Variants in HRC observed in about 807,000 individuals in gnomAD.
HRC encodes histidine rich calcium binding protein.
Under a neutral mutation model 61.4 loss-of-function variants are expected in HRC, and 41 were observed. The observed-to-expected ratio is 0.67, with a 90% CI of 0.52 to 0.87. The LOEUF (loss-of-function observed/expected upper bound fraction) is 0.87. Ranked by LOEUF, HRC falls within the 40% of genes least tolerant of loss-of-function variation. HRC has a pLI of 0.00. For missense variants in HRC, 839 were observed against 885.8 expected (o/e 0.95, Z 0.67); for synonymous variants, 308 against 326.6 (o/e 0.94, Z 0.62).
rs1491115683 is a variant in HRC, at chr19:49,154,490, CAT to C, written c.746_747del (p.Asp249GlyfsTer2). 6 of 1,588,804 alleles carry C rather than the reference CAT, an allele frequency of 3.8e-6. No homozygotes were observed. Among genetic ancestry groups the C allele is most frequent in the Non-Finnish European group, 5.2e-6 (6 of 1,161,464 alleles). Reference sequence around the variant, plus strand: ...TCATCATCATCATCATCATCATCATCATCATCGTCATCTTCTTCATGGCCTTG... The same window carrying C: ...TCATCATCATCATCATCATCATCATCCATCGTCATCTTCTTCATGGCCTTG... Reference protein sequence around the residue: ...RHQGHEEDDDDDDDDDDDDDD... With the variant: ...RHQGHEEDDDXDDDDDDDDDD... On this transcript the variant is annotated frameshift_variant, in exon 1 of 6. Coordinates refer to ENST00000252825, the MANE Select transcript of HRC (RefSeq NM_002152.3). LOFTEE classifies it high-confidence loss of function.
At position 49,154,155 on chromosome 19, in the gene HRC, A is replaced by G. The variant is rs774735333; in HGVS notation, c.1083T>C (p.Arg361=). ...EEEDEDVSTE[R]WHQGPQHVHH... is the part of the protein sequence containing the mutation. ...GGACATGTTGGGGACCCTGGTGCCA[A>G]CGTTCAGTGGACACATCCTCATCTT... is the stretch of plus-strand genomic sequence containing the variant. Residue 361 remains arginine (R), a synonymous_variant, in exon 1 of 6, where the codon CGT becomes CGC. Transcript: ENST00000252825. 1 of 1,613,952 alleles carries G rather than the reference A, an allele frequency of 6.2e-7. No homozygotes were observed. The highest frequency in any genetic ancestry group is 8.5e-7 in the Non-Finnish European group (1 of 1,180,012).
Position 49,154,065 on chromosome 19 carries a change from AACAT to A in HRC, c.1169_1172del (p.Tyr390LeufsTer71). 6.2e-7 allele frequency: 1 copy of A among 1,614,076 alleles called. No individual in the cohort carries two copies. Among genetic ancestry groups the A allele is most frequent in the Non-Finnish European group, 8.5e-7 (1 of 1,180,014 alleles). ...TGTGGCCTCGAGGTTGGTGGCTTGC[AACAT>A]AGTGGCCGAACTGGACTGTGATCTC... is the stretch of plus-strand genomic sequence containing the variant. On this transcript the variant is annotated frameshift_variant, in exon 1 of 6. Transcript: ENST00000252825. LOFTEE classifies it high-confidence loss of function.
rs1201551336 is a variant in HRC, at chr19:49,152,011, G to C, written c.2019C>G (p.Cys673Trp). ...YLCPLVCETVCAPGSYVDYFS... is the reference protein window; with the variant it reads ...YLCPLVCETVWAPGSYVDYFS... ...GGCCCCGCCCATGCTCACCTGGAGC[G>C]CAGACCGTTTCGCAGACCAGCGGGC... Residue 673 changes from cysteine (C) to tryptophan (W), a missense_variant, in exon 4 of 6, where the codon TGC becomes TGG. Physicochemically the swap from Cys to Trp is radical, Grantham distance 215. Coordinates refer to ENST00000252825, the MANE Select transcript of HRC (RefSeq NM_002152.3). 1 of 1,614,118 alleles carries C rather than the reference G, an allele frequency of 6.2e-7. No homozygotes were observed. Among genetic ancestry groups the C allele is most frequent in the Admixed American group, 1.7e-5 (1 of 60,026 alleles).
Position 49,154,206 on chromosome 19 carries a change from C to T in HRC, c.1032G>A (p.Arg344=), listed in dbSNP as rs1247780136. 1 of 1,613,754 alleles carries T rather than the reference C, an allele frequency of 6.2e-7. No individual in the cohort carries two copies. Among genetic ancestry groups the T allele is most frequent in the Non-Finnish European group, 8.5e-7 (1 of 1,179,940 alleles). Residue 344 remains arginine (R), a synonymous_variant, in exon 1 of 6, where the codon AGG becomes AGA. Coordinates refer to ENST00000252825, the MANE Select transcript of HRC (RefSeq NM_002152.3). ...GEHHHHVPDH[R]HQGHRDEEED... ...CTTCCTCGTCTCTGTGGCCTTGGTG[C>T]CTGTGGTCAGGGACATGATGGTGGT...
rs539235357 is a variant in HRC at position 49,153,129 on chromosome 19, C to T, written c.1902+132G>A. Reference sequence around the variant, plus strand: ...AGTCTGTCCTCACCTCACATGCCTGCAGAAGGATCTCTTTTCTTTCAGAAC... The same window carrying T: ...AGTCTGTCCTCACCTCACATGCCTGTAGAAGGATCTCTTTTCTTTCAGAAC... On this transcript the variant is annotated intron_variant, in intron 2 of 5. Transcript: ENST00000252825. The surrounding 1 kb of genome is among the most constrained non-coding windows in gnomAD (Gnocchi z 4.8). The T allele has an allele frequency of 4.0e-4, 288 of 714,268 alleles. 3 individuals carry two copies. In the South Asian group the frequency reaches 4.5e-3, roughly 11 times the overall value. The allele number at this position is 714,268 out of a possible 1,614,324, so 44.2% of individuals were successfully genotyped here. A position where few individuals can be genotyped will look rare whatever the true frequency, so the allele number is the denominator to read the frequency against.
rs2041357048 is a variant in HRC, at chr19:49,151,410, C to T, written c.2064-78G>A. On this transcript the variant is annotated intron_variant, in intron 5 of 5. Coordinates refer to ENST00000252825, the MANE Select transcript of HRC (RefSeq NM_002152.3). Reference sequence around the variant, plus strand: ...GGACGCTTAGAGATCATTAACCTGCCCATTTCATGGACGGGGAAATGGAGT... The same window carrying T: ...GGACGCTTAGAGATCATTAACCTGCTCATTTCATGGACGGGGAAATGGAGT... 3 of 1,571,982 alleles carry T rather than the reference C, an allele frequency of 1.9e-6. No homozygotes were observed. In the East Asian group the frequency reaches 6.8e-5, roughly 35 times the overall value.
chr19:49,151,366 G>C (rs1332805309), intron 5 of HRC, 34 bp from the exon 6 acceptor site: 1 of 1,556,578 alleles, frequency 6.4e-7, no homozygotes, highest in Admixed American at 2.0e-5. Context: ...TAGACAGCTG[G>C]TGTTCAAAGC....
In HRC at chr19:49,155,149, A is replaced by C; in HGVS notation, c.89T>G (p.Leu30Arg). ...TCTGAAGCCTAGCCCATCCCCTCTG[A>C]GCTGCTGGGTCATGGCCGGGGGGAG... ...LLLPPAMTQQ[L>R]RGDGLGFRNR... is the part of the protein sequence containing the mutation. Residue 30 changes from leucine (L) to arginine (R), a missense_variant, in exon 1 of 6, where the codon CTC (leucine) becomes CGC (arginine). By Grantham distance (102) the Leu-to-Arg change is moderately radical (BLOSUM62 -2). Transcript: ENST00000252825. This position sits in a 1 kb window ranked among gnomAD's most constrained non-coding sequence, Gnocchi z 4.7. The C allele has an allele frequency of 6.2e-7, 1 of 1,613,836 alleles. No individual in the cohort carries two copies. Among genetic ancestry groups the C allele is most frequent in the Non-Finnish European group, 8.5e-7 (1 of 1,179,994 alleles).
rs762129171 is a variant in HRC at position 49,152,321 on chromosome 19, C to T, written c.1960G>A (p.Asp654Asn). 1.9e-6 allele frequency: 3 copies of T among 1,613,010 alleles called. No individual in the cohort carries two copies. The highest frequency in any genetic ancestry group is 3.3e-5 in the Admixed American group (2 of 59,952). Reference sequence around the variant, plus strand: ...AGGTGAGGTCTCACCTGGCACTGGTCGCAGTGCTCACCCATGTTCTCCTCA... The same window carrying T: ...AGGTGAGGTCTCACCTGGCACTGGTTGCAGTGCTCACCCATGTTCTCCTCA... ...CDEENMGEHC[D>N]QCQHCQFCYL... is the part of the protein sequence containing the mutation. Residue 654 changes from aspartate to asparagine, a missense_variant, in exon 3 of 6, where the codon GAC becomes AAC. Coordinates refer to ENST00000252825, the MANE Select transcript of HRC (RefSeq NM_002152.3).
Position 49,153,950 on chromosome 19 carries a change from C to A in HRC, c.1288G>T (p.Val430Phe), listed in dbSNP as rs537531165. The change falls in exon 1 of 6, where the codon GTC (valine) becomes TTC (phenylalanine). Residue 430 changes from valine to phenylalanine, a missense_variant. Val to Phe is a conservative substitution (Grantham distance 50, BLOSUM62 -1). Coordinates refer to ENST00000252825, the MANE Select transcript of HRC (RefSeq NM_002152.3). This position sits in a 1 kb window ranked among gnomAD's most constrained non-coding sequence, Gnocchi z 4.8. The part of the protein sequence containing the change: ...HRVPREEDEE[V>F]SAELGHQAPS... The stretch of plus-strand genomic sequence containing the variant: ...GCCTGGTGGCCAAGCTCAGCAGAGA[C>A]CTCCTCATCTTCCTCCCTGGGGACT... 2 of 1,613,282 alleles carry A rather than the reference C, an allele frequency of 1.2e-6. No homozygotes were observed. Among genetic ancestry groups the A allele is most frequent in the Non-Finnish European group, 1.7e-6 (2 of 1,179,990 alleles).
chr19:49,153,826 A>G lies in HRC; in HGVS notation c.1412T>C (p.Val471Ala). 6.2e-7 allele frequency: 1 copy of G among 1,613,734 alleles called. No individual in the cohort carries two copies. ...MSHHPPGHTV[V>A]KDRSHLRKDD... ...CTTCCTCAAATGGCTTCTATCCTTG[A>G]CCACTGTGTGTCCTGGGGGGTGATG... The change falls in exon 1 of 6, where the codon GTC (valine) becomes GCC (alanine). Residue 471 changes from valine (V) to alanine (A), a missense_variant. Val to Ala is a moderately conservative substitution (Grantham distance 64). Coordinates refer to ENST00000252825, the MANE Select transcript of HRC (RefSeq NM_002152.3). The surrounding 1 kb of genome is among the most constrained non-coding windows in gnomAD (Gnocchi z 4.8).
chr19:49,154,187 C>T lies in HRC; in HGVS notation c.1051G>A (p.Glu351Lys), dbSNP rs201631525. 1.9e-5 allele frequency: 30 copies of T among 1,614,012 alleles called. No individual in the cohort carries two copies. The highest frequency in any genetic ancestry group is 1.0e-4 in the Admixed American group (6 of 60,000). The stretch of plus-strand genomic sequence containing the variant: ...GTGGACACATCCTCATCTTCTTCCT[C>T]GTCTCTGTGGCCTTGGTGCCTGTGG... ...PDHRHQGHRD[E>K]EEDEDVSTER... Residue 351 changes from glutamate (E) to lysine (K), a missense_variant, in exon 1 of 6, where the codon GAG becomes AAG. Physicochemically the swap from Glu to Lys is moderately conservative, Grantham distance 56. Transcript: ENST00000252825.
Position 49,154,370 on chromosome 19 carries a change from G to A in HRC, c.868C>T (p.His290Tyr). The change falls in exon 1 of 6, where the codon CAT becomes TAT. Residue 290 changes from histidine (H) to tyrosine (Y), a missense_variant. By Grantham distance (83) the His-to-Tyr change is moderately conservative. Coordinates refer to ENST00000252825, the MANE Select transcript of HRC (RefSeq NM_002152.3). ...CGGTGCCTGTGGCTGGGGTCGCGAT[G>A]ATGGTGTCCATCTGAGACATCTTCA... Reference protein sequence around the residue: ...EDEDVSDGHHHRDPSHRHRSH... With the variant: ...EDEDVSDGHHYRDPSHRHRSH... 6.2e-7 allele frequency: 1 copy of A among 1,611,010 alleles called. No homozygotes were observed. Among genetic ancestry groups the A allele is most frequent in the African/African-American group, 1.4e-5 (1 of 72,806 alleles).
At chr19:49,151,778 C>T (rs1216127942) in intron 4 of HRC, among the ~76,000 whole-genome samples, 2 of 152,144 alleles carry the variant, frequency 1.3e-5, no homozygotes, top group African/African-American at 2.4e-5. Flanking sequence ...CCATTAGGCT[C>T]TAAGCCCGCA....
In HRC at chr19:49,154,591, T is replaced by C; in HGVS notation, c.647A>G (p.His216Arg). ...STEYGHQAHR[H>R]RGHGSEEDED... Reference sequence around the variant, plus strand: ...ATCCTCTTCACTCCCATGGCCTCGGTGCCTGTGGGCCTGGTGTCCATACTC... The same window carrying C: ...ATCCTCTTCACTCCCATGGCCTCGGCGCCTGTGGGCCTGGTGTCCATACTC... Residue 216 changes from histidine (H) to arginine (R), a missense_variant, in exon 1 of 6, where the codon CAC (histidine) becomes CGC (arginine). His to Arg is a conservative substitution (Grantham distance 29). Transcript: ENST00000252825. 1 of 1,604,154 alleles carries C rather than the reference T, an allele frequency of 6.2e-7. No homozygotes were observed.
Position 49,153,649 on chromosome 19 carries a change from A to G in HRC, c.1589T>C (p.Leu530Pro). The G allele has an allele frequency of 6.3e-7, 1 of 1,579,612 alleles. No individual in the cohort carries two copies. The highest frequency in any genetic ancestry group is 8.7e-7 in the Non-Finnish European group (1 of 1,150,728). The change falls in exon 1 of 6, where the codon CTG becomes CCG. Residue 530 changes from leucine to proline, a missense_variant. Transcript: ENST00000252825. This position sits in a 1 kb window ranked among gnomAD's most constrained non-coding sequence, Gnocchi z 4.8. ...EDEEEGHGLS[L>P]NQEEEEEEDK... ...TTCCTCTTCTTCCTCCTCCTGGTTC[A>G]GGCTGAGGCCATGACCTTCCTCCTC...
chr19:49,154,849 T>G lies in HRC; in HGVS notation c.389A>C (p.Gln130Pro). Residue 130 changes from glutamine (Q) to proline (P), a missense_variant, in exon 1 of 6, where the codon CAG becomes CCG. Transcript: ENST00000252825. ...CCCGTGGCCTCTGTGCCCACGGGCC[T>G]GCCCACCATGCTCTGCAAAGACCTC... ...GEEVFAEHGG[Q>P]ARGHRGHGSE... is the part of the protein sequence containing the mutation. The G allele has an allele frequency of 6.2e-7, 1 of 1,614,180 alleles. No homozygotes were observed. The highest frequency in any genetic ancestry group is 1.7e-5 in the Admixed American group (1 of 60,024).
chr19:49,154,625 C>A lies in HRC; in HGVS notation c.613G>T (p.Ala205Ser). ...GCCTGGTGTCCATACTCAGTGGAGG[C>A]CTCCTCTTCCTCCTCCTCCTCCTCC... The part of the protein sequence containing the change: ...EEEEEEEEEE[A>S]STEYGHQAHR... Residue 205 changes from alanine to serine, a missense_variant, in exon 1 of 6, where the codon GCC (alanine) becomes TCC (serine). By Grantham distance (99) the Ala-to-Ser change is moderately conservative (BLOSUM62 1). Coordinates refer to ENST00000252825, the MANE Select transcript of HRC (RefSeq NM_002152.3). 1.9e-6 allele frequency: 3 copies of A among 1,594,022 alleles called. No homozygotes were observed. Among genetic ancestry groups the A allele is most frequent in the African/African-American group, 2.7e-5 (2 of 73,718 alleles).
In HRC at chr19:49,151,328, G is replaced by C; in HGVS notation, c.2068C>G (p.Leu690Val). 3 of 1,557,194 alleles carry C rather than the reference G, an allele frequency of 1.9e-6. No individual in the cohort carries two copies. Among genetic ancestry groups the C allele is most frequent in the South Asian group, 2.4e-5 (2 of 84,866 alleles). Residue 690 changes from leucine to valine, a missense_variant, in exon 6 of 6, where the codon CTG becomes GTG. By Grantham distance (32) the Leu-to-Val change is conservative. Coordinates refer to ENST00000252825, the MANE Select transcript of HRC (RefSeq NM_002152.3). Reference protein sequence around the residue: ...DYFSSSLYQALADMLETPEP With the variant: ...DYFSSSLYQAVADMLETPEP The stretch of plus-strand genomic sequence containing the variant: ...TCCGGCGTTTCCAGCATGTCTGCCA[G>C]GGCCCTGGAGACGAGAACGCCAGAA...
Sources: gnomAD v4.1 joint callset for allele counts (sites outside exome capture counted in the v4.1 genomes callset) on GRCh38, gnomAD v4.1.1 for gene constraint, Gnocchi (gnomAD v3.1) non-coding constraint, MANE v1.5 for transcripts, NCBI Gene and HGNC (gene_info 2026-07-23, HGNC 2026-07-21) for gene names.